KSR2: variants seen among roughly 807,000 people sequenced by gnomAD.
The protein encoded by KSR2 is kinase suppressor of ras 2.
In KSR2, 25 loss-of-function variants were observed where a neutral mutation model predicts 107.8. That is an observed-to-expected ratio of 0.23 (90% CI 0.17 to 0.32). The LOEUF is 0.32. KSR2 is among the 10% of genes least tolerant of loss of function. KSR2 has a pLI of 1.00. For synonymous variants in KSR2, 480 were observed against 507.0 expected (o/e 0.95, Z 0.71); for missense variants, 887 against 1,268.9 (o/e 0.70, Z 4.57).
At chr12:117,626,183 G>GT (rs1565932308) in intron 5 of KSR2, among the ~76,000 whole-genome samples, 3 of 151,934 alleles carry the variant, frequency 2.0e-5, no homozygotes, top group African/African-American at 4.8e-5. Flanking sequence ...TTTTTGACGG[G>GT]TTTTTTGTGT....
intron 4 of KSR2, among the ~76,000 whole-genome samples, chr12:117,744,364 C>G (rs11068670): frequency 0.073 from 11,084 of 152,186 alleles, 850 homozygotes; most frequent in East Asian, 0.3. Flanking sequence ...ATAATCTTCC[C>G]ATGCGTCCAT....
intron 4 of KSR2, among the ~76,000 whole-genome samples, chr12:117,721,092 G>C (rs1392184663): frequency 2.0e-5 from 3 of 152,136 alleles, no homozygotes; most frequent in African/African-American, 7.2e-5. Context: ...CCTACTTCCA[G>C]GAAAATTTCT....
chr12:117,789,330 G>A (rs1374152363), intron 3 of KSR2, among the ~76,000 whole-genome samples: 2 of 152,190 alleles, frequency 1.3e-5, no homozygotes, highest in Non-Finnish European at 2.9e-5. Context: ...AGACCCAGGT[G>A]GCGTTATTAG....
chr12:117,694,588 G>A (rs918024484), intron 4 of KSR2, among the ~76,000 whole-genome samples: 4 of 152,162 alleles, frequency 2.6e-5, no homozygotes, highest in Admixed American at 2.0e-4. Context: ...CTGAAAGCAA[G>A]AACTCAAACC....
chr12:117,795,775 T>C (rs1350654757), intron 3 of KSR2, among the ~76,000 whole-genome samples: 3 of 152,088 alleles, frequency 2.0e-5, no homozygotes, highest in Non-Finnish European at 4.4e-5. Context: ...GCTACAGGTG[T>C]ATGCCATCAA....
rs144885618 is a variant in KSR2, at chr12:117,597,874, T to C, written c.1172-15515A>G. On this transcript the variant is annotated intron_variant, in intron 5 of 19. Transcript: ENST00000339824. ...CTCCTATTCCATGCCTGGTGTTCTA[T>C]GTCCAGGATCCTCACAGCAACCTGA... 1.7e-4 allele frequency among the ~76,000 whole-genome samples: 26 copies of C among 152,348 alleles called. No individual in the cohort carries two copies. The East Asian group carries it at 4.8e-3, about 28-fold the overall frequency.
intron 1 of KSR2, among the ~76,000 whole-genome samples, chr12:117,877,813 C>G (rs1893907649): frequency 6.6e-6 from 1 of 152,154 alleles, no homozygotes; most frequent in African/African-American, 2.4e-5. Context: ...AATACACATG[C>G]CAAGCCCCAG....
At chr12:117,827,099 G>A (rs2137099872) in intron 3 of KSR2, among the ~76,000 whole-genome samples, 1 of 151,264 alleles carries the variant, frequency 6.6e-6, no homozygotes. Flanking sequence ...ATGTGTTCTT[G>A]GGATTTCTGA....
intron 4 of KSR2, among the ~76,000 whole-genome samples, chr12:117,752,126 T>C (rs73215921): frequency 0.048 from 7,323 of 152,286 alleles, 260 homozygotes; most frequent in Non-Finnish European, 0.068. Context: ...ACAAATGATA[T>C]AGCCTAGGCC....
intron 14 of KSR2, among the ~76,000 whole-genome samples, chr12:117,495,479 G>A (rs1300713011): frequency 6.6e-6 from 1 of 152,232 alleles, no homozygotes; most frequent in Non-Finnish European, 1.5e-5. Flanking sequence ...TCCAGGAAAT[G>A]AAGAGTTATA....
intron 8 of KSR2, among the ~76,000 whole-genome samples, chr12:117,555,542 A>G (rs1877625702): frequency 6.6e-6 from 1 of 152,252 alleles, no homozygotes; most frequent in Non-Finnish European, 1.5e-5. Flanking sequence ...AGGTTTTTTT[A>G]AAAGTACCAC....
chr12:117,874,125 C>T (rs958600450), intron 1 of KSR2, among the ~76,000 whole-genome samples: 1 of 152,212 alleles, frequency 6.6e-6, no homozygotes, highest in Non-Finnish European at 1.5e-5. Flanking sequence ...GACCCTTCTA[C>T]TCGGTGAATT....
chr12:117,667,716 C>G (rs1884726671), intron 4 of KSR2, 58 bp from the exon 5 acceptor site: 1 of 1,406,622 alleles, frequency 7.1e-7, no homozygotes, highest in Non-Finnish European at 9.5e-7. Context: ...CACAAAGTTA[C>G]AGCAGGGAGG....
At chr12:117,740,627 T>TAG (rs1209813669) in intron 4 of KSR2, among the ~76,000 whole-genome samples, 5 of 122,864 alleles carry the variant, frequency 4.1e-5, no homozygotes, top group South Asian at 2.8e-4. Context: ...ATATATTATA[T>TAG]ATGTAATATA....
chr12:117,771,926 C>T (rs1049729035), intron 3 of KSR2, among the ~76,000 whole-genome samples: 1 of 150,614 alleles, frequency 6.6e-6, no homozygotes, highest in African/African-American at 2.4e-5. Context: ...CCCAAAGATG[C>T]ACACACACTC....
rs1249353471 is a variant in KSR2, at chr12:117,454,172, G to A, written c.*13027C>T. 1 of 152,212 alleles carries A rather than the reference G, an allele frequency of 6.6e-6. No homozygotes were observed. Among genetic ancestry groups the A allele is most frequent in the African/African-American group, 2.4e-5 (1 of 41,444 alleles). 9.4% of individuals were successfully genotyped at this position (152,212 alleles called of 1,614,324 possible). A position where few individuals can be genotyped will look rare whatever the true frequency, so the allele number is the denominator to read the frequency against. On this transcript the variant is annotated 3_prime_UTR_variant, in exon 20 of 20. Transcript: ENST00000339824. Reference sequence around the variant, plus strand: ...AAGCACCTACTGTGTGCCAGGTATTGCGTAACGTTATTGACATTCATTATT... The same window carrying A: ...AAGCACCTACTGTGTGCCAGGTATTACGTAACGTTATTGACATTCATTATT...
chr12:117,893,730 A>G (rs1450224512), intron 1 of KSR2, among the ~76,000 whole-genome samples: 3 of 152,226 alleles, frequency 2.0e-5, no homozygotes, highest in Non-Finnish European at 2.9e-5. Flanking sequence ...GCTTTTCACA[A>G]TATCTGGGAG....
At chr12:117,905,388 G>A (rs1894809140) in intron 1 of KSR2, among the ~76,000 whole-genome samples, 1 of 152,006 alleles carries the variant, frequency 6.6e-6, no homozygotes, top group African/African-American at 2.4e-5. Context: ...AATAAAATAA[G>A]CACGTAACTA....
chr12:117,512,051 A>C (rs1481319631), intron 14 of KSR2, among the ~76,000 whole-genome samples: 1 of 152,212 alleles, frequency 6.6e-6, no homozygotes, highest in Non-Finnish European at 1.5e-5. Flanking sequence ...CTAGCCCTAC[A>C]CTGGAAATGT....
Sources: allele counts gnomAD v4.1 joint callset (sites outside exome capture counted in the v4.1 genomes callset), GRCh38; gene constraint gnomAD v4.1.1; transcripts MANE v1.5; gene names NCBI Gene and HGNC (gene_info 2026-07-23, HGNC 2026-07-21).